The following PCSK2 variants were observed in gnomAD, a reference collection of about 807,000 sequenced individuals.
The protein encoded by PCSK2 is proprotein convertase subtilisin/kexin type 2.
PCSK2 carries 14 observed loss-of-function variants against 69.7 expected under a neutral mutation model. That is an observed-to-expected ratio of 0.20 (90% CI 0.13 to 0.31). The LOEUF (loss-of-function observed/expected upper bound fraction) is 0.31. Ranked by LOEUF, PCSK2 falls within the 10% of genes least tolerant of loss-of-function variation. PCSK2 has a pLI of 1.00. For synonymous variants in PCSK2, 307 were observed against 320.7 expected, an observed-to-expected ratio of 0.96 and a Z score of 0.46; for missense variants, 544 against 842.5, an observed-to-expected ratio of 0.65 and a Z score of 4.39.
intron 2 of PCSK2, among the ~76,000 whole-genome samples, chr20:17,308,917 C>A (rs1989416168): frequency 1.3e-5 from 2 of 152,176 alleles, no homozygotes; most frequent in South Asian, 4.1e-4. Context: ...AGAACTCACA[C>A]ACCACCACTT....
chr20:17,279,544 G>A (rs190292172), intron 2 of PCSK2, among the ~76,000 whole-genome samples: 15 of 151,660 alleles, frequency 9.9e-5, no homozygotes, highest in Non-Finnish European at 2.1e-4. Context: ...GGTGGCTCAC[G>A]CCTGTAATCC....
At chr20:17,324,095 A>G (rs891931853) in intron 2 of PCSK2, among the ~76,000 whole-genome samples, 7 of 152,178 alleles carry the variant, frequency 4.6e-5, no homozygotes, top group Non-Finnish European at 8.8e-5. Context: ...GAATTCCCCA[A>G]TGGGATTGAC....
At chr20:17,415,815 G>A (rs757948340) in intron 6 of PCSK2, among the ~76,000 whole-genome samples, 1 of 152,096 alleles carries the variant, frequency 6.6e-6, no homozygotes, top group East Asian at 1.9e-4. Flanking sequence ...AAACAGCATG[G>A]CACTGGTACC....
At chr20:17,241,834 A>G (rs572915262) in intron 1 of PCSK2, among the ~76,000 whole-genome samples, 6 of 152,248 alleles carry the variant, frequency 3.9e-5, no homozygotes, top group African/African-American at 9.6e-5. Flanking sequence ...ACAGTGGTGT[A>G]TCACCATGAT....
chr20:17,321,669 T>C (rs1464749743), intron 2 of PCSK2, among the ~76,000 whole-genome samples: 1 of 152,228 alleles, frequency 6.6e-6, no homozygotes, highest in African/African-American at 2.4e-5. Context: ...GTTGATTCCA[T>C]AATTCACTCT....
At chr20:17,261,485 C>T (rs1987382841) in intron 2 of PCSK2, among the ~76,000 whole-genome samples, 1 of 152,184 alleles carries the variant, frequency 6.6e-6, no homozygotes, top group Admixed American at 6.5e-5. Context: ...CAAGAGTTCC[C>T]ACCTTCTCTA....
At chr20:17,328,760 A>T (rs8118667) in intron 2 of PCSK2, among the ~76,000 whole-genome samples, 2 of 152,216 alleles carry the variant, frequency 1.3e-5, no homozygotes, top group Non-Finnish European at 2.9e-5. Flanking sequence ...AACAACACAC[A>T]GTCAACTTGT....
rs73599746 is a variant in PCSK2, at chr20:17,422,056, T to C, written c.621-7379T>C. 5.5e-4 allele frequency among the ~76,000 whole-genome samples: 84 copies of C among 152,154 alleles called. 1 individual carries two copies. In the East Asian group the frequency reaches 0.014, roughly 25 times the overall value. Reference sequence around the variant, plus strand: ...GACATACATTTTAAAGAAAACTAAATGATGGTGGAAACATAGGCAAAAACA... The same window carrying C: ...GACATACATTTTAAAGAAAACTAAACGATGGTGGAAACATAGGCAAAAACA... On this transcript the variant is annotated intron_variant, in intron 6 of 11. Transcript: ENST00000262545.
At chr20:17,419,461 C>G (rs570707548) in intron 6 of PCSK2, among the ~76,000 whole-genome samples, 43 of 152,232 alleles carry the variant, frequency 2.8e-4, no homozygotes, top group African/African-American at 9.6e-4. Flanking sequence ...ATAATAGTAA[C>G]TCAAATTGTA....
At chr20:17,332,014 T>C (rs1181839146) in intron 2 of PCSK2, among the ~76,000 whole-genome samples, 1 of 152,188 alleles carries the variant, frequency 6.6e-6, no homozygotes. Flanking sequence ...TTACAGAGCA[T>C]TTATTACATG....
At chr20:17,226,969 C>T (rs1985933991), upstream of PCSK2, 1 of 168,396 alleles carries the variant, frequency 5.9e-6, no homozygotes, top group South Asian at 1.9e-4. Flanking sequence ...TGCTCTCCCC[C>T]AGCCCCTAGG....
chr20:17,251,124 A>C (rs1274131770), intron 1 of PCSK2, among the ~76,000 whole-genome samples: 1 of 152,114 alleles, frequency 6.6e-6, no homozygotes, highest in Non-Finnish European at 1.5e-5. Flanking sequence ...AAAAATTATC[A>C]GATCCATAAT....
At chr20:17,410,978 A>G (rs1260050168) in intron 6 of PCSK2, among the ~76,000 whole-genome samples, 1 of 152,220 alleles carries the variant, frequency 6.6e-6, no homozygotes, top group African/African-American at 2.4e-5. Flanking sequence ...TGATGGATTG[A>G]TGTAAGCACA....
At chr20:17,420,297 C>T (rs531491322) in intron 6 of PCSK2, among the ~76,000 whole-genome samples, 1 of 152,240 alleles carries the variant, frequency 6.6e-6, no homozygotes, top group South Asian at 2.1e-4. Context: ...AACATCTTTC[C>T]CTTATGTCTT....
intron 10 of PCSK2, among the ~76,000 whole-genome samples, chr20:17,462,716 G>A (rs1235032698): frequency 6.6e-6 from 1 of 152,168 alleles, no homozygotes; most frequent in Non-Finnish European, 1.5e-5. Flanking sequence ...TCATTGCGCA[G>A]TACCTTCTCA....
intron 5 of PCSK2, among the ~76,000 whole-genome samples, chr20:17,390,855 C>A (rs573522853): frequency 6.6e-6 from 1 of 152,256 alleles, no homozygotes; most frequent in Non-Finnish European, 1.5e-5. Context: ...GGTGACGTGG[C>A]AGTTCTGCAT....
At position 17,302,775 on chromosome 20, in the gene PCSK2, T is replaced by C. The variant is rs1456175560; in HGVS notation, c.282+42431T>C. Among the ~76,000 whole-genome samples, 6 of 152,208 alleles carry C rather than the reference T, an allele frequency of 3.9e-5. No homozygotes were observed. In the East Asian group the frequency reaches 1.2e-3, roughly 29 times the overall value. On this transcript the variant is annotated intron_variant, in intron 2 of 11. Coordinates refer to ENST00000262545, the MANE Select transcript of PCSK2 (RefSeq NM_002594.5). ...TTTGAGGAACGCACTGTGATGTTGT[T>C]ATTCAGTACTGGTTACGAATAGCAT... is the stretch of plus-strand genomic sequence containing the variant.
intron 2 of PCSK2, among the ~76,000 whole-genome samples, chr20:17,333,736 C>T (rs1990263910): frequency 6.6e-6 from 1 of 151,842 alleles, no homozygotes; most frequent in Non-Finnish European, 1.5e-5. Context: ...CATCCACTTT[C>T]TACCTGTGTG....
At chr20:17,291,195 T>C (rs578219334) in intron 2 of PCSK2, among the ~76,000 whole-genome samples, 2 of 152,222 alleles carry the variant, frequency 1.3e-5, no homozygotes, top group Admixed American at 6.5e-5. Context: ...TTACTTTAAA[T>C]AACCACTATT....
Sources: gnomAD v4.1 joint callset for allele counts (sites outside exome capture counted in the v4.1 genomes callset) on GRCh38, gnomAD v4.1.1 for gene constraint, MANE v1.5 for transcripts, NCBI Gene and HGNC (gene_info 2026-07-23, HGNC 2026-07-21) for gene names.